EEIG1: variants seen among roughly 807,000 people sequenced by gnomAD.
The protein encoded by EEIG1 is estrogen-induced osteoclastogenesis regulator 1.
the EEIG1 span, among the ~76,000 whole-genome samples, chr9:127,965,589 C>G: frequency 6.6e-6 from 1 of 152,200 alleles, no homozygotes; most frequent in Non-Finnish European, 1.5e-5. Flanking sequence ...CCCTCAGCCA[C>G]GCTCACTCCC....
At chr9:127,974,952 G>A in the EEIG1 span, among the ~76,000 whole-genome samples, 1 of 152,174 alleles carries the variant, frequency 6.6e-6, no homozygotes, top group Admixed American at 6.5e-5. Flanking sequence ...GAACCTCCAC[G>A]GCCCCTGCTC....
the EEIG1 span, among the ~76,000 whole-genome samples, chr9:127,952,028 C>G: frequency 3.9e-5 from 6 of 152,174 alleles, no homozygotes; most frequent in African/African-American, 1.4e-4. Context: ...AGGGAAGGGG[C>G]CTGGCAGTGC....
At chr9:127,966,352 A>C in the EEIG1 span, among the ~76,000 whole-genome samples, 1 of 151,984 alleles carries the variant, frequency 6.6e-6, no homozygotes, top group South Asian at 2.1e-4. Context: ...GCGTACCTGT[A>C]ATCTCAGCTA....
chr9:127,959,263 G>C, the EEIG1 span, among the ~76,000 whole-genome samples: 1 of 152,172 alleles, frequency 6.6e-6, no homozygotes, highest in Non-Finnish European at 1.5e-5. Context: ...CCATCAACTG[G>C]TAAATGGACA....
chr9:127,945,222 A>G, the EEIG1 span: 2 of 727,476 alleles, frequency 2.7e-6, no homozygotes, highest in Non-Finnish European at 4.4e-6. This position sits in a 1 kb window ranked among gnomAD's most constrained non-coding sequence, Gnocchi z 6.5. Flanking sequence ...TGCACCCTTC[A>G]GGGCCATCAG....
the EEIG1 span, among the ~76,000 whole-genome samples, chr9:127,951,594 T>C: frequency 2.2e-3 from 328 of 151,764 alleles, 4 homozygotes; most frequent in African/African-American, 7.3e-3. Flanking sequence ...GGCAGGCGGA[T>C]CACGAGGTCA....
chr9:127,959,895 G>C, the EEIG1 span, among the ~76,000 whole-genome samples: 1 of 152,182 alleles, frequency 6.6e-6, no homozygotes, highest in Non-Finnish European at 1.5e-5. Context: ...TAATGGGTTT[G>C]GGATTTCTTT....
At chr9:127,956,342 A>G in the EEIG1 span, among the ~76,000 whole-genome samples, 1 of 152,248 alleles carries the variant, frequency 6.6e-6, no homozygotes, top group Admixed American at 6.5e-5. Flanking sequence ...AACTAAAACT[A>G]TATTAACAGA....
At chr9:127,945,602 C>A in the EEIG1 span, 6 of 1,563,082 alleles carry the variant, frequency 3.8e-6, no homozygotes, top group Non-Finnish European at 5.2e-6. This position sits in a 1 kb window ranked among gnomAD's most constrained non-coding sequence, Gnocchi z 6.5. Flanking sequence ...AATGGGGGAT[C>A]CCGAGGAAGG....
At chr9:127,943,509 C>T in the EEIG1 span, 3 of 495,992 alleles carry the variant, frequency 6.0e-6, no homozygotes, top group South Asian at 6.8e-5. Flanking sequence ...GGAGTCACTG[C>T]ATCCTGCCCC....
the EEIG1 span, chr9:127,972,788 T>C: frequency 2.6e-5 from 4 of 152,172 alleles, no homozygotes; most frequent in Non-Finnish European, 5.9e-5. The surrounding 1 kb of genome is among the most constrained non-coding windows in gnomAD (Gnocchi z 4.3). Context: ...CAGGCCTGCA[T>C]GTGAGAGCTC....
the EEIG1 span, chr9:127,950,274 C>A: frequency 9.6e-6 from 7 of 731,058 alleles, no homozygotes; most frequent in Non-Finnish European, 1.6e-5. Flanking sequence ...ATAGTGGTTT[C>A]CTGATTCCAG....
the EEIG1 span, among the ~76,000 whole-genome samples, chr9:127,947,717 C>G: frequency 6.6e-6 from 1 of 152,142 alleles, no homozygotes; most frequent in Admixed American, 6.5e-5. Flanking sequence ...CTTCCCTGGC[C>G]CCAGATGGAT....
the EEIG1 span, among the ~76,000 whole-genome samples, chr9:127,963,564 G>A: frequency 6.6e-6 from 1 of 152,222 alleles, no homozygotes; most frequent in Non-Finnish European, 1.5e-5. Context: ...CTATTTCTGG[G>A]CTGTCTGGAA....
chr9:127,956,447 G>A, the EEIG1 span, among the ~76,000 whole-genome samples: 2 of 152,206 alleles, frequency 1.3e-5, no homozygotes, highest in Admixed American at 6.5e-5. Flanking sequence ...TTTCGCTCTC[G>A]TTGCCCAGGC....
chr9:127,965,522 G>A, the EEIG1 span, among the ~76,000 whole-genome samples: 1 of 152,150 alleles, frequency 6.6e-6, no homozygotes. Flanking sequence ...CCCCAGAACA[G>A]GGCCCCATCA....
At chr9:127,969,823 G>A in the EEIG1 span, among the ~76,000 whole-genome samples, 1 of 152,082 alleles carries the variant, frequency 6.6e-6, no homozygotes, top group Non-Finnish European at 1.5e-5. Flanking sequence ...AAACACCCAG[G>A]GATCTCCTCC....
the EEIG1 span, among the ~76,000 whole-genome samples, chr9:127,952,823 T>G: frequency 6.6e-6 from 1 of 152,072 alleles, no homozygotes; most frequent in Non-Finnish European, 1.5e-5. Flanking sequence ...AAGCAATTCT[T>G]GTGCCCCAGC....
At chr9:127,954,038 A>C in the EEIG1 span, 1 of 1,272,250 alleles carries the variant, frequency 7.9e-7, no homozygotes, top group South Asian at 1.3e-5. Flanking sequence ...GGGAAGCTCC[A>C]CTTTCACTCT....
Sources: allele counts gnomAD v4.1 joint callset (sites outside exome capture counted in the v4.1 genomes callset), GRCh38; gene constraint gnomAD v4.1.1; non-coding constraint Gnocchi (gnomAD v3.1); transcripts MANE v1.5; gene names NCBI Gene and HGNC (gene_info 2026-07-23, HGNC 2026-07-21).